SYNPO2: variants seen among roughly 807,000 people sequenced by gnomAD.
SYNPO2 encodes the protein synaptopodin 2, also known as synaptopodin-2.
In SYNPO2, 56 loss-of-function variants were observed where a neutral mutation model predicts 85.0. That is an observed-to-expected ratio of 0.66 (90% CI 0.53 to 0.82). SYNPO2 has a LOEUF of 0.82. SYNPO2 is among the 40% of genes least tolerant of loss of function. The probability of loss-of-function intolerance (pLI) is 0.00; values close to 1 mark genes in which losing one functional copy is unlikely to be tolerated. For synonymous variants in SYNPO2, 602 were observed against 591.1 expected, an observed-to-expected ratio of 1.02 and a Z score of -0.27; for missense variants, 1,575 against 1,534.2, an observed-to-expected ratio of 1.03 and a Z score of -0.44.
At chr4:118,905,916 G>T (rs1732921160) in intron 1 of SYNPO2, among the ~76,000 whole-genome samples, 2 of 152,148 alleles carry the variant, frequency 1.3e-5, no homozygotes, top group African/African-American at 4.8e-5. Flanking sequence ...TGATATAGGG[G>T]CTTGTTCCTC....
intron 1 of SYNPO2, among the ~76,000 whole-genome samples, chr4:118,908,006 G>A (rs1732992422): frequency 6.6e-6 from 1 of 151,966 alleles, no homozygotes. Flanking sequence ...TATATAGATT[G>A]ACCGTTATTG....
chr4:119,036,467 G>GA, intron 4 of SYNPO2: 9 of 985,396 alleles, frequency 9.1e-6, no homozygotes, highest in Non-Finnish European at 1.1e-5. Context: ...ATTATTCTGG[G>GA]AAAAAGCAGA....
chr4:118,966,222 C>A (rs975861329), intron 1 of SYNPO2, among the ~76,000 whole-genome samples: 1 of 152,092 alleles, frequency 6.6e-6, no homozygotes, highest in Non-Finnish European at 1.5e-5. Context: ...TAGAAAGAAA[C>A]GGGAAATAGA....
intron 1 of SYNPO2, among the ~76,000 whole-genome samples, chr4:118,943,878 G>A (rs7676150): frequency 1 from 152,334 of 152,336 alleles, 76,166 homozygotes; most frequent in Middle Eastern, 1. Context: ...GTTTCAGGAG[G>A]AACACTCATA....
At chr4:118,854,231 A>G (rs1315668231) in intron 1 of SYNPO2, among the ~76,000 whole-genome samples, 1 of 152,244 alleles carries the variant, frequency 6.6e-6, no homozygotes, top group Non-Finnish European at 1.5e-5. Flanking sequence ...CCCAGAGATC[A>G]TGATTTAACA....
At chr4:118,901,339 AAC>A (rs1156605555) in intron 1 of SYNPO2, among the ~76,000 whole-genome samples, 4 of 152,224 alleles carry the variant, frequency 2.6e-5, no homozygotes, top group Admixed American at 2.0e-4. Context: ...GCTTCACAGT[AAC>A]ACTAACTAAA....
chr4:119,021,684 G>C (rs1202543266), intron 1 of SYNPO2, among the ~76,000 whole-genome samples: 1 of 152,156 alleles, frequency 6.6e-6, no homozygotes. Flanking sequence ...GTAGTCTTAA[G>C]GGAACCAACA....
intron 2 of SYNPO2, among the ~76,000 whole-genome samples, chr4:119,023,932 C>T (rs1737836579): frequency 6.6e-6 from 1 of 152,150 alleles, no homozygotes; most frequent in African/African-American, 2.4e-5. Flanking sequence ...TTGTAATTAT[C>T]AGATGCACAG....
At chr4:118,866,418 C>G (rs534329843) in intron 1 of SYNPO2, among the ~76,000 whole-genome samples, 1 of 152,140 alleles carries the variant, frequency 6.6e-6, no homozygotes, top group Non-Finnish European at 1.5e-5. Context: ...AAGGCTTTGC[C>G]GATTTCTTTG....
chr4:118,923,490 A>T lies in SYNPO2; in HGVS notation c.105+34349A>T, dbSNP rs186965005. Among the ~76,000 whole-genome samples the T allele has an allele frequency of 9.9e-5, 15 of 152,200 alleles. No homozygotes were observed. The East Asian group carries it at 1.9e-3, about 20-fold the overall frequency. ...GATATAATCTGTACACCAAACCTCC[A>T]TGACATGCAATTTACCTATATAACA... On this transcript the variant is annotated intron_variant, in intron 1 of 4. Coordinates refer to ENST00000307142, the MANE Select transcript of SYNPO2 (RefSeq NM_133477.3).
At position 119,026,844 on chromosome 4, in the gene SYNPO2, G is replaced by T; in HGVS notation, c.475G>T (p.Glu159Ter). The change falls in exon 3 of 5, where the codon GAA (glutamate) becomes TAA (stop). Residue 159 changes from glutamate (E) to a stop codon, truncating the protein, a stop_gained. Coordinates refer to ENST00000307142, the MANE Select transcript of SYNPO2 (RefSeq NM_133477.3). LOFTEE classifies it high-confidence loss of function. ...GPDCAGSLKE[E>*]TGPSYQRAPQ... ...CGACTGTGCAGGCAGCTTGAAAGAA[G>T]AAACAGGCCCGAGCTACCAAAGGGC... 2 of 1,614,102 alleles carry T rather than the reference G, an allele frequency of 1.2e-6. No individual in the cohort carries two copies. The highest frequency in any genetic ancestry group is 1.7e-6 in the Non-Finnish European group (2 of 1,179,998).
rs1334078438 is a variant in SYNPO2 at position 119,032,003 on chromosome 4, C to T, written c.3228C>T (p.Ala1076=). Residue 1076 remains alanine (A), a synonymous_variant, in exon 4 of 5, where the codon GCC becomes GCT. Transcript: ENST00000307142. The part of the protein sequence containing the change: ...YFVAPRPKFS[A]KKSGVTIQES... ...TGGCACCAAGGCCAAAGTTCTCAGC[C>T]AAGAAAAGTGGTGTCACAATTCAGG... 3 of 1,614,062 alleles carry T rather than the reference C, an allele frequency of 1.9e-6. No individual in the cohort carries two copies. Among genetic ancestry groups the T allele is most frequent in the Non-Finnish European group, 2.5e-6 (3 of 1,180,030 alleles).
intron 1 of SYNPO2, among the ~76,000 whole-genome samples, chr4:118,990,055 G>C (rs1736354605): frequency 6.6e-6 from 1 of 152,230 alleles, no homozygotes; most frequent in Admixed American, 6.5e-5. Context: ...ATATGGCAGA[G>C]TGATTTAATG....
chr4:118,964,674 AT>A (rs1048833011), intron 1 of SYNPO2, among the ~76,000 whole-genome samples: 3 of 151,012 alleles, frequency 2.0e-5, no homozygotes, highest in Non-Finnish European at 3.0e-5. Flanking sequence ...CTTTGATTTG[AT>A]TTTTTTTCTC....
intron 1 of SYNPO2, among the ~76,000 whole-genome samples, chr4:118,945,956 G>A (rs193283368): frequency 0.013 from 2,000 of 152,206 alleles, 26 homozygotes; most frequent in South Asian, 0.027. Flanking sequence ...ATGTTGGCCA[G>A]GATGGTCTCG....
At chr4:119,007,231 T>TATATATATACAC (rs1553945922) in intron 1 of SYNPO2, among the ~76,000 whole-genome samples, 1 of 49,282 alleles carries the variant, frequency 2.0e-5, no homozygotes, top group African/African-American at 9.4e-5. Context: ...TATATATATA[T>TATATATATACAC]ATATATATAT....
chr4:118,889,193 A>G, intron 1 of SYNPO2, 52 bp downstream of exon 1: 1 of 1,528,078 alleles, frequency 6.5e-7, no homozygotes, highest in Non-Finnish European at 9.0e-7. Flanking sequence ...AAGGAATGAA[A>G]GCAACCTGCT....
intron 4 of SYNPO2, among the ~76,000 whole-genome samples, chr4:119,047,252 G>T (rs1450726622): frequency 2.0e-5 from 3 of 152,120 alleles, no homozygotes; most frequent in Non-Finnish European, 2.9e-5. Context: ...CAGAGACAGG[G>T]TTTCACCATG....
In SYNPO2 at chr4:119,029,976, C is replaced by T. The variant is rs369985385; in HGVS notation, c.1201C>T (p.Arg401Cys). 10 of 1,613,906 alleles carry T rather than the reference C, an allele frequency of 6.2e-6. No individual in the cohort carries two copies. The Admixed American group carries it at 1.0e-4, about 16-fold the overall frequency. ...GGGGGTGTTGATGTTTAAGAAGCGA[C>T]GTCGGAGGGCCAGGAAATACACCCT... is the stretch of plus-strand genomic sequence containing the variant. ...SKGVLMFKKR[R>C]RRARKYTLVS... Residue 401 changes from arginine (R) to cysteine (C), a missense_variant, in exon 4 of 5, where the codon CGT becomes TGT. Coordinates refer to ENST00000307142, the MANE Select transcript of SYNPO2 (RefSeq NM_133477.3).
Sources: gnomAD v4.1 joint callset for allele counts (sites outside exome capture counted in the v4.1 genomes callset) on GRCh38, gnomAD v4.1.1 for gene constraint, MANE v1.5 for transcripts, NCBI Gene and HGNC (gene_info 2026-07-23, HGNC 2026-07-21) for gene names.